The following TENT4B variants were observed in gnomAD, a reference collection of about 807,000 sequenced individuals.
The protein encoded by TENT4B is terminal nucleotidyltransferase 4B.
TENT4B carries 10 observed loss-of-function variants against 75.0 expected under a neutral mutation model. The observed-to-expected ratio is 0.13, with a 90% CI of 0.08 to 0.23. TENT4B has a LOEUF of 0.23. Ranked by LOEUF, TENT4B falls within the 10% of genes least tolerant of loss-of-function variation. The pLI is 1.00. For synonymous variants in TENT4B, 350 were observed against 357.7 expected, an observed-to-expected ratio of 0.98 and a Z score of 0.24; for missense variants, 579 against 893.8, an observed-to-expected ratio of 0.65 and a Z score of 4.49.
chr16:50,163,560 C>T (rs924780592), intron 1 of TENT4B, among the ~76,000 whole-genome samples: 1 of 151,234 alleles, frequency 6.6e-6, no homozygotes, highest in Non-Finnish European at 1.5e-5. Flanking sequence ...CCACCACACC[C>T]GGCTTATTTT....
chr16:50,167,529 T>C (rs1030191773), intron 1 of TENT4B, among the ~76,000 whole-genome samples: 2 of 152,188 alleles, frequency 1.3e-5, no homozygotes, highest in Non-Finnish European at 2.9e-5. Context: ...TATTTTTTTT[T>C]CTTTGGTTGC....
At chr16:50,178,130 C>T (rs1172113477) in intron 1 of TENT4B, among the ~76,000 whole-genome samples, 1 of 140,954 alleles carries the variant, frequency 7.1e-6, no homozygotes, top group Non-Finnish European at 1.5e-5. Context: ...CTTTGTGGCT[C>T]AAGGTGGTCT....
In TENT4B at chr16:50,153,327, CG is replaced by C. The variant is rs1158085159; in HGVS notation, c.-294del. On this transcript the variant is annotated 5_prime_UTR_variant, in exon 1 of 12. Transcript: ENST00000561678. ...CGCTCTTCTGTGGAGCCGCCGCCGCCGCCGCCGCCATTTGCACGGGGACCCC... is the reference window on the plus strand; with the variant it reads ...CGCTCTTCTGTGGAGCCGCCGCCGCCCCGCCGCCATTTGCACGGGGACCCC... 1.7e-4 allele frequency among the ~76,000 whole-genome samples: 25 copies of C among 145,340 alleles called. No homozygotes were observed. The highest frequency in any genetic ancestry group is 6.2e-4 in the African/African-American group (25 of 40,344).
chr16:50,201,830 TAAAA>T (rs57061694), intron 1 of TENT4B, among the ~76,000 whole-genome samples: 54 of 136,692 alleles, frequency 4.0e-4, no homozygotes, highest in Admixed American at 6.6e-4. Context: ...ATACTCTATT[TAAAA>T]AAAAAAAAAA....
rs117588787 is a variant in TENT4B, at chr16:50,160,555, C to T, written c.638+6296C>T. ...ACATCTCAATTTCTTCCGTGAAATT[C>T]CTGCCAACAAATCATAGTGTTAGAA... On this transcript the variant is annotated intron_variant, in intron 1 of 11. Transcript: ENST00000561678. 2.7e-3 allele frequency among the ~76,000 whole-genome samples: 406 copies of T among 152,276 alleles called. 5 individuals carry two copies. Among genetic ancestry groups the T allele is most frequent in the Non-Finnish European group, 4.3e-3 (291 of 68,028 alleles).
At chr16:50,177,827 G>A (rs1472633886) in intron 1 of TENT4B, among the ~76,000 whole-genome samples, 1 of 151,866 alleles carries the variant, frequency 6.6e-6, no homozygotes, top group Non-Finnish European at 1.5e-5. Flanking sequence ...TGAGATTATT[G>A]ATTTTTAGAT....
rs949119095 is a variant in TENT4B, at chr16:50,230,178, C to G, written c.*850C>G. 1 of 984,144 alleles carries G rather than the reference C, an allele frequency of 1.0e-6. No homozygotes were observed. Among genetic ancestry groups the G allele is most frequent in the African/African-American group, 1.8e-5 (1 of 56,914 alleles). The allele number at this position is 984,144 out of a possible 1,614,324, so 61.0% of individuals were successfully genotyped here. A position where few individuals can be genotyped will look rare whatever the true frequency, so the allele number is the denominator to read the frequency against. ...TAAACACTGAAAAATCTCTGGTCAT[C>G]TCCGAGAATTAACTTGCAACTGTTT... On this transcript the variant is annotated 3_prime_UTR_variant, in exon 12 of 12. Transcript: ENST00000561678.
chr16:50,168,253 T>C (rs1028891299), intron 1 of TENT4B, among the ~76,000 whole-genome samples: 8 of 152,132 alleles, frequency 5.3e-5, no homozygotes, highest in Non-Finnish European at 1.2e-4. Context: ...TGGAGTTGTT[T>C]GTCTTTTTCT....
intron 1 of TENT4B, among the ~76,000 whole-genome samples, chr16:50,187,098 T>G (rs1281723905): frequency 1.3e-5 from 2 of 152,148 alleles, no homozygotes; most frequent in African/African-American, 4.8e-5. Context: ...GCACAAAAGC[T>G]TTCAATTTTG....
At chr16:50,196,912 G>A (rs2030296106) in intron 1 of TENT4B, among the ~76,000 whole-genome samples, 1 of 151,748 alleles carries the variant, frequency 6.6e-6, no homozygotes, top group African/African-American at 2.4e-5. Flanking sequence ...TTCCAGTGTG[G>A]GTAACAGAAC....
Position 50,229,979 on chromosome 16 carries a change from A to G in TENT4B, c.*651A>G, listed in dbSNP as rs2032226330. On this transcript the variant is annotated 3_prime_UTR_variant, in exon 12 of 12. Coordinates refer to ENST00000561678, the MANE Select transcript of TENT4B (RefSeq NM_001365324.3). ...TAAATTGTCATCTTAACATCCATAT[A>G]TAGGGAAGTGATTAGTTCTATTACT... is the stretch of plus-strand genomic sequence containing the variant. 4 of 957,106 alleles carry G rather than the reference A, an allele frequency of 4.2e-6. No individual in the cohort carries two copies. The highest frequency in any genetic ancestry group is 1.8e-5 in the African/African-American group (1 of 56,486). 59.3% of individuals were successfully genotyped at this position (957,106 alleles called of 1,614,324 possible).
chr16:50,175,230 C>T (rs777815362), intron 1 of TENT4B, among the ~76,000 whole-genome samples: 57 of 152,026 alleles, frequency 3.7e-4, no homozygotes, highest in Non-Finnish European at 7.2e-4. Flanking sequence ...TTTCCGAGTC[C>T]GTGACTTATC....
In TENT4B at chr16:50,230,158, A is replaced by T; in HGVS notation, c.*830A>T. On this transcript the variant is annotated 3_prime_UTR_variant, in exon 12 of 12. Coordinates refer to ENST00000561678, the MANE Select transcript of TENT4B (RefSeq NM_001365324.3). ...ATGTACTATGTACTTTTGTGTAAAC[A>T]CTGAAAAATCTCTGGTCATCTCCGA... is the stretch of plus-strand genomic sequence containing the variant. 1.0e-6 allele frequency: 1 copy of T among 985,000 alleles called. No homozygotes were observed. The highest frequency in any genetic ancestry group is 1.2e-6 in the Non-Finnish European group (1 of 829,818). 61.0% of individuals were successfully genotyped at this position (985,000 alleles called of 1,614,324 possible).
intron 1 of TENT4B, among the ~76,000 whole-genome samples, chr16:50,186,628 A>G (rs1208073028): frequency 1.3e-5 from 2 of 152,108 alleles, no homozygotes; most frequent in African/African-American, 2.4e-5. Context: ...ATCATATGAT[A>G]ATTCTATGTT....
In TENT4B at chr16:50,217,615, T is replaced by C. The variant is rs1433112608; in HGVS notation, c.990T>C (p.Asn330=). Residue 330 remains asparagine (N), a synonymous_variant, in exon 5 of 12, where the codon AAT becomes AAC. Transcript: ENST00000561678. Reference sequence around the variant, plus strand: ...AAGTGAAAGTTGATATCAGCTTTAATGTACAGAATGGCGTGAGAGCAGCTG... The same window carrying C: ...AAGTGAAAGTTGATATCAGCTTTAACGTACAGAATGGCGTGAGAGCAGCTG... ...FTEVKVDISF[N]VQNGVRAADL... 1 of 1,535,504 alleles carries C rather than the reference T, an allele frequency of 6.5e-7. No homozygotes were observed. Among genetic ancestry groups the C allele is most frequent in the African/African-American group, 1.4e-5 (1 of 71,968 alleles).
chr16:50,154,052 C>T lies in TENT4B; in HGVS notation c.431C>T (p.Ala144Val). 2 of 1,531,232 alleles carry T rather than the reference C, an allele frequency of 1.3e-6. No individual in the cohort carries two copies. Among genetic ancestry groups the T allele is most frequent in the South Asian group, 2.4e-5 (2 of 83,400 alleles). 94.9% of individuals were successfully genotyped at this position (1,531,232 alleles called of 1,614,324 possible). A position where few individuals can be genotyped will look rare whatever the true frequency, so the allele number is the denominator to read the frequency against. The change falls in exon 1 of 12, where the codon GCC (alanine) becomes GTC (valine). Residue 144 changes from alanine (A) to valine (V), a missense_variant. Physicochemically the swap from Ala to Val is moderately conservative, Grantham distance 64. Around this residue, in one of 7 missense-constraint regions of TENT4B, gnomAD observed 253 missense variants for 270.1 expected, o/e 0.94. Transcript: ENST00000561678. Reference sequence around the variant, plus strand: ...TCCTCGTCCCCGCACCCTTCGGCCGCCGTCCCCGCCGCCGATCCAGCCGAT... The same window carrying T: ...TCCTCGTCCCCGCACCCTTCGGCCGTCGTCCCCGCCGCCGATCCAGCCGAT... ...SASSSPHPSA[A>V]VPAADPADSA...
rs529957304 is a variant in TENT4B at position 50,180,906 on chromosome 16, A to G, written c.638+26647A>G. The stretch of plus-strand genomic sequence containing the variant: ...ACTGTTGGAAGTCCTCAAACTTCCA[A>G]ACTATTAAAATAGAATAGTTTTGCT... On this transcript the variant is annotated intron_variant, in intron 1 of 11. Coordinates refer to ENST00000561678, the MANE Select transcript of TENT4B (RefSeq NM_001365324.3). Among the ~76,000 whole-genome samples, 8 of 152,296 alleles carry G rather than the reference A, an allele frequency of 5.3e-5. No individual in the cohort carries two copies. In the South Asian group the frequency reaches 1.2e-3, roughly 24 times the overall value.
chr16:50,153,273 TCGCTGCCGC>T (rs918560929), upstream of TENT4B, among the ~76,000 whole-genome samples: 26 of 136,262 alleles, frequency 1.9e-4, no homozygotes, highest in Middle Eastern at 3.9e-3. Context: ...CAGGCGCGTC[TCGCTGCCGC>T]CGCTGCCGCC....
At chr16:50,220,560 G>A (rs1196837459) in intron 5 of TENT4B, among the ~76,000 whole-genome samples, 2 of 151,662 alleles carry the variant, frequency 1.3e-5, no homozygotes, top group Non-Finnish European at 2.9e-5. Context: ...ACAGAGTCTT[G>A]CTCTGTCACT....
Sources: gnomAD v4.1 joint callset for allele counts (sites outside exome capture counted in the v4.1 genomes callset) on GRCh38, gnomAD v4.1.1 for gene constraint, gnomAD v4.1.1 regional missense constraint, MANE v1.5 for transcripts, NCBI Gene and HGNC (gene_info 2026-07-23, HGNC 2026-07-21) for gene names.